Variants in SLC44A3 observed in about 807,000 individuals in gnomAD.
The protein encoded by SLC44A3 is choline transporter-like protein 3.
A neutral mutation model predicts 75.4 loss-of-function variants in SLC44A3; 74 were observed. The ratio of observed to expected loss-of-function variants is 0.98; its 90% CI spans 0.81 to 1.19. The LOEUF (loss-of-function observed/expected upper bound fraction) is 1.19. SLC44A3 is among the 50% of genes most tolerant of loss of function. SLC44A3 has a pLI of 0.00. For synonymous variants in SLC44A3, 310 were observed against 296.9 expected, an observed-to-expected ratio of 1.04 and a Z score of -0.45; for missense variants, 700 against 778.6, an observed-to-expected ratio of 0.90 and a Z score of 1.20.
In SLC44A3 at chr1:94,892,293, T is replaced by C. The variant is rs115958260; in HGVS notation, c.1633T>C (p.Cys545Arg). The C allele has an allele frequency of 1.1e-3, 1,758 of 1,614,024 alleles. 21 individuals carry two copies. In the African/African-American group the frequency reaches 0.021, roughly 19 times the overall value. The change falls in exon 14 of 15, where the codon TGT becomes CGT. Residue 545 changes from cysteine to arginine, a missense_variant. By Grantham distance (180) the Cys-to-Arg change is radical. Coordinates refer to ENST00000271227, the MANE Select transcript of SLC44A3 (RefSeq NM_001114106.3). The part of the protein sequence containing the change: ...IIFLGKVLVV[C>R]FTVFGGLMAF... ...TTCTTTTGCACAGGTGTTAGTGGTG[T>C]GTTTCACTGTTTTTGGAGGACTCAT... is the stretch of plus-strand genomic sequence containing the variant.
At chr1:94,862,713 T>A in intron 10 of SLC44A3, among the ~76,000 whole-genome samples, 1 of 152,104 alleles carries the variant, frequency 6.6e-6, no homozygotes, top group East Asian at 1.9e-4. Context: ...TTGGGGTGGA[T>A]GTGGTCCAGT....
intron 9 of SLC44A3, among the ~76,000 whole-genome samples, chr1:94,853,240 C>A (rs6684031): frequency 0.089 from 13,484 of 152,102 alleles, 759 homozygotes; most frequent in Middle Eastern, 0.16. Flanking sequence ...CAGAGATGTG[C>A]GCGGTCCAGT....
chr1:94,824,386 A>G, intron 2 of SLC44A3, 107 bp from the exon 3 acceptor site: 9 of 1,334,376 alleles, frequency 6.7e-6, no homozygotes, highest in Non-Finnish European at 9.0e-6. Flanking sequence ...GATGCTGGAG[A>G]GCTTCACGTT....
At chr1:94,856,404 G>C (rs1361822229) in intron 9 of SLC44A3, among the ~76,000 whole-genome samples, 1 of 152,198 alleles carries the variant, frequency 6.6e-6, no homozygotes, top group Non-Finnish European at 1.5e-5. Flanking sequence ...GCTGGGATCT[G>C]AACCTGGGAA....
intron 10 of SLC44A3, among the ~76,000 whole-genome samples, chr1:94,859,534 C>A (rs1028340058): frequency 1.8e-4 from 28 of 152,302 alleles, no homozygotes; most frequent in Non-Finnish European, 3.7e-4. Context: ...GCCACAGAAT[C>A]CCAGAGAGGC....
chr1:94,832,979 T>C (rs2100990369), intron 5 of SLC44A3, among the ~76,000 whole-genome samples: 1 of 151,630 alleles, frequency 6.6e-6, no homozygotes. Context: ...CTTTTTTTTT[T>C]TAAATTAAAA....
At chr1:94,845,928 C>CA (rs1206110546) in intron 9 of SLC44A3, among the ~76,000 whole-genome samples, 1 of 152,064 alleles carries the variant, frequency 6.6e-6, no homozygotes, top group African/African-American at 2.4e-5. Flanking sequence ...GCAGGTAGAC[C>CA]ACGAGGTCAG....
intron 12 of SLC44A3, among the ~76,000 whole-genome samples, chr1:94,883,783 A>G (rs1235590425): frequency 6.6e-6 from 1 of 152,222 alleles, no homozygotes; most frequent in Non-Finnish European, 1.5e-5. Flanking sequence ...AAATTTGGGT[A>G]TCCCTTCAGT....
rs867536112 is a variant in SLC44A3, at chr1:94,820,357, A to G, written c.-95A>G. 3.9e-4 allele frequency: 440 copies of G among 1,123,218 alleles called. No homozygotes were observed. Among genetic ancestry groups the G allele is most frequent in the Middle Eastern group, 1.4e-3 (4 of 2,842 alleles). The allele number at this position is 1,123,218 out of a possible 1,614,324, so 69.6% of individuals were successfully genotyped here. On this transcript the variant is annotated 5_prime_UTR_variant, in exon 1 of 15. Transcript: ENST00000271227. ...CGGCTCCAGCCCCAGCCCCAGCCCCAGCCCCGGCCCCGGCCCCGGCTCGCG... is the reference window on the plus strand; with the variant it reads ...CGGCTCCAGCCCCAGCCCCAGCCCCGGCCCCGGCCCCGGCCCCGGCTCGCG...
chr1:94,825,080 A>G (rs1393333528), intron 3 of SLC44A3, among the ~76,000 whole-genome samples: 1 of 152,176 alleles, frequency 6.6e-6, no homozygotes, highest in Non-Finnish European at 1.5e-5. Context: ...AAATACCCGA[A>G]TGCCACCTGG....
chr1:94,862,666 A>G (rs1192840046), intron 10 of SLC44A3, among the ~76,000 whole-genome samples: 5 of 152,082 alleles, frequency 3.3e-5, no homozygotes, highest in African/African-American at 1.2e-4. Context: ...ACCCTCTAAC[A>G]CTGCCCGTGT....
intron 5 of SLC44A3, among the ~76,000 whole-genome samples, chr1:94,834,780 C>G (rs183334043): frequency 1.7e-3 from 253 of 152,280 alleles, no homozygotes; most frequent in Non-Finnish European, 2.5e-3. Context: ...CCACTGCTCC[C>G]GGTGAAAGGG....
At chr1:94,844,067 A>C (rs698965) in intron 8 of SLC44A3, among the ~76,000 whole-genome samples, 1 of 152,044 alleles carries the variant, frequency 6.6e-6, no homozygotes, top group African/African-American at 2.4e-5. Context: ...GTCCTTGACC[A>C]TAAGAATGGC....
At chr1:94,825,211 AT>A (rs1661146474) in intron 3 of SLC44A3, among the ~76,000 whole-genome samples, 1 of 152,260 alleles carries the variant, frequency 6.6e-6, no homozygotes, top group African/African-American at 2.4e-5. Context: ...AGAGATGGGA[AT>A]TCCCTAGAGG....
chr1:94,875,761 G>C (rs761478705), intron 12 of SLC44A3, among the ~76,000 whole-genome samples: 1 of 152,194 alleles, frequency 6.6e-6, no homozygotes, highest in Non-Finnish European at 1.5e-5. Context: ...GAAAAGGTCA[G>C]CTAATCCAAG....
intron 10 of SLC44A3, among the ~76,000 whole-genome samples, chr1:94,860,536 A>G (rs1435790956): frequency 6.6e-6 from 1 of 152,214 alleles, no homozygotes; most frequent in African/African-American, 2.4e-5. Context: ...TCCCGAGGGA[A>G]AAAAGATCAC....
At chr1:94,868,891 C>T (rs957407781) in intron 12 of SLC44A3, among the ~76,000 whole-genome samples, 7 of 152,212 alleles carry the variant, frequency 4.6e-5, no homozygotes, top group South Asian at 2.1e-4. Flanking sequence ...CATACTGGCC[C>T]CTGGAAGCCT....
intron 8 of SLC44A3, 133 bp from the exon 9 acceptor site, chr1:94,845,145 T>A: frequency 1.1e-6 from 1 of 946,650 alleles, no homozygotes; most frequent in Non-Finnish European, 1.5e-6. Context: ...TCTGTAAAAT[T>A]ATAACAAAGT....
At chr1:94,841,119 C>T (rs933636237) in intron 7 of SLC44A3, among the ~76,000 whole-genome samples, 2 of 152,166 alleles carry the variant, frequency 1.3e-5, no homozygotes, top group African/African-American at 2.4e-5. Context: ...TCCTAGGCTA[C>T]GAACCTGCAC....
Sources: allele counts gnomAD v4.1 joint callset (sites outside exome capture counted in the v4.1 genomes callset), GRCh38; gene constraint gnomAD v4.1.1; transcripts MANE v1.5; gene names NCBI Gene and HGNC (gene_info 2026-07-23, HGNC 2026-07-21).